Variants in DHX9 observed in about 807,000 individuals in gnomAD.
The protein encoded by DHX9 is DExH-box helicase 9, also known as ATP-dependent RNA helicase A.
A neutral mutation model predicts 148.7 loss-of-function variants in DHX9; 27 were observed. The ratio of observed to expected loss-of-function variants is 0.18; its 90% confidence interval spans 0.13 to 0.25. The LOEUF (loss-of-function observed/expected upper bound fraction) is 0.25, where lower values mean the gene tolerates loss of function less well. DHX9 is among the 10% of genes least tolerant of loss of function. The pLI is 1.00. For missense variants in DHX9, 796 were observed against 1,559.6 expected (o/e 0.51, Z 8.25); for synonymous variants, 529 against 516.6 (o/e 1.02, Z -0.33).
At chr1:182,850,456 A>G (rs1571299764) in intron 3 of DHX9, among the ~76,000 whole-genome samples, 1 of 152,096 alleles carries the variant, frequency 6.6e-6, no homozygotes, top group East Asian at 1.9e-4. Flanking sequence ...TTAGGTGGGA[A>G]TGGTGGTGGC....
At chr1:182,848,215 C>A (rs937054783) in intron 3 of DHX9, among the ~76,000 whole-genome samples, 1 of 152,194 alleles carries the variant, frequency 6.6e-6, no homozygotes, top group Non-Finnish European at 1.5e-5. Context: ...TATTTTTCTC[C>A]GTAACACTTA....
At chr1:182,846,909 T>A (rs1342583836) in intron 3 of DHX9, among the ~76,000 whole-genome samples, 2 of 152,048 alleles carry the variant, frequency 1.3e-5, no homozygotes, top group Non-Finnish European at 2.9e-5. Context: ...TTTTTTCCTA[T>A]CATTTTTTCC....
Position 182,887,441 on chromosome 1 carries a change from G to A in DHX9, c.*7G>A, listed in dbSNP as rs758613559. On this transcript the variant is annotated 3_prime_UTR_variant, in exon 28 of 28. Transcript: ENST00000367549. ...AGGAGGTGGCGGCTATTAAAACTTGGTTATGTCAGTTCCTGTGTGTAGACA... is the reference window on the plus strand; with the variant it reads ...AGGAGGTGGCGGCTATTAAAACTTGATTATGTCAGTTCCTGTGTGTAGACA... 204 of 1,610,060 alleles carry A rather than the reference G, an allele frequency of 1.3e-4. No individual in the cohort carries two copies. Among genetic ancestry groups the A allele is most frequent in the Non-Finnish European group, 1.6e-4 (194 of 1,177,756 alleles).
intron 15 of DHX9, among the ~76,000 whole-genome samples, chr1:182,872,850 G>A (rs558883759): frequency 1.2e-4 from 19 of 152,264 alleles, no homozygotes; most frequent in African/African-American, 4.6e-4. Flanking sequence ...AAGCAGCCAG[G>A]ATCAAATTAA....
At chr1:182,881,778 G>C in intron 24 of DHX9, 131 bp downstream of exon 24, 1 of 970,230 alleles carries the variant, frequency 1.0e-6, no homozygotes, top group Non-Finnish European at 1.5e-6. Context: ...CTATTTCTTA[G>C]TTCTCGTGAA....
At chr1:182,856,179 T>A (rs1439576425) in intron 6 of DHX9, among the ~76,000 whole-genome samples, 1 of 152,234 alleles carries the variant, frequency 6.6e-6, no homozygotes, top group Non-Finnish European at 1.5e-5. Flanking sequence ...GGGGCCTACT[T>A]TATTTCTTGG....
rs1005239280 is a variant in DHX9, at chr1:182,881,251, T to C, written c.2625-13T>C. ...TGATCTAGTCTGGATTTAACTGTCT[T>C]TGTGTATTTCAGCGTGGGAGATGCT... On this transcript the variant is annotated splice_polypyrimidine_tract_variant and intron_variant, in intron 22 of 27. Coordinates refer to ENST00000367549, the MANE Select transcript of DHX9 (RefSeq NM_001357.5). 15 of 1,610,018 alleles carry C rather than the reference T, an allele frequency of 9.3e-6. No homozygotes were observed. In the African/African-American group the frequency reaches 1.3e-4, roughly 14 times the overall value.
intron 19 of DHX9, 93 bp from the exon 20 acceptor site, chr1:182,877,928 C>A (rs1648889565): frequency 7.2e-7 from 1 of 1,398,070 alleles, no homozygotes; most frequent in Non-Finnish European, 9.8e-7. Flanking sequence ...ATGGCTTTAA[C>A]TACATAGTGG....
Position 182,887,205 on chromosome 1 carries a change from G to A in DHX9, c.3584G>A (p.Gly1195Asp). The change falls in exon 28 of 28, where the codon GGT (glycine) becomes GAT (aspartate). Residue 1195 changes from glycine (G) to aspartate (D), a missense_variant. Transcript: ENST00000367549. The stretch of plus-strand genomic sequence containing the variant: ...GGTGGCTATAGCAGTGGAGGCTATG[G>A]TAGCGGAGGCTATGGTGGCAGCGCC... ...YGGGYSSGGY[G>D]SGGYGGSANS... 6.2e-7 allele frequency: 1 copy of A among 1,607,856 alleles called. No homozygotes were observed. Among genetic ancestry groups the A allele is most frequent in the Non-Finnish European group, 8.5e-7 (1 of 1,174,390 alleles).
intron 19 of DHX9, chr1:182,877,742 T>A (rs1571319412): frequency 3.0e-6 from 1 of 333,354 alleles, no homozygotes; most frequent in East Asian, 5.8e-5. Flanking sequence ...ATTTATTTAA[T>A]GTTTACCAAA....
chr1:182,849,992 C>CCCT lies in DHX9; in HGVS notation c.253-2241_253-2240insCCT, dbSNP rs1491331436. On this transcript the variant is annotated intron_variant, in intron 3 of 27. Coordinates refer to ENST00000367549, the MANE Select transcript of DHX9 (RefSeq NM_001357.5). The stretch of plus-strand genomic sequence containing the variant: ...AAAGTGTACACACGTACCCCCCCCC[C>CCCT]TTTTTTTTTTAATTTCATCAGCGTT... Among the ~76,000 whole-genome samples, 360 of 107,024 alleles carry CCCT rather than the reference C, an allele frequency of 3.4e-3. 3 individuals carry two copies. Among genetic ancestry groups the CCCT allele is most frequent in the African/African-American group, 1.0e-2 (323 of 32,342 alleles). The allele number at this position is 107,024 out of a possible 152,430, so 70.2% of individuals were successfully genotyped here.
At chr1:182,872,537 G>T in intron 15 of DHX9, 44 bp downstream of exon 15, 1 of 1,560,286 alleles carries the variant, frequency 6.4e-7, no homozygotes, top group Non-Finnish European at 8.7e-7. Flanking sequence ...TGTGCAATAG[G>T]GTTTGTATTT....
intron 3 of DHX9, among the ~76,000 whole-genome samples, chr1:182,844,128 A>G (rs1465793277): frequency 2.0e-5 from 3 of 152,034 alleles, no homozygotes; most frequent in Admixed American, 6.6e-5. Flanking sequence ...TTATGTTTTT[A>G]GTAGAGATAG....
intron 1 of DHX9, among the ~76,000 whole-genome samples, chr1:182,840,330 T>C (rs556748909): frequency 7.3e-6 from 1 of 136,866 alleles, no homozygotes; most frequent in East Asian, 2.4e-4. Flanking sequence ...TGCAAGAGTC[T>C]CGCTCTGTCG....
At chr1:182,857,116 G>A (rs1186894220) in intron 7 of DHX9, among the ~76,000 whole-genome samples, 1 of 152,088 alleles carries the variant, frequency 6.6e-6, no homozygotes, top group Non-Finnish European at 1.5e-5. Context: ...CAAAGTGCTG[G>A]GATTACAGGC....
rs770294877 is a variant in DHX9 at position 182,883,374 on chromosome 1, A to G, written c.3144+6A>G. ...TCTTTGTATTTGGTGAAAAGGTAAG[A>G]AAAGACTAGAAAAGTTTACATTGAA... On this transcript the variant is annotated splice_donor_region_variant and intron_variant, in intron 25 of 27. Coordinates refer to ENST00000367549, the MANE Select transcript of DHX9 (RefSeq NM_001357.5). 6.2e-7 allele frequency: 1 copy of G among 1,607,910 alleles called. No individual in the cohort carries two copies. The highest frequency in any genetic ancestry group is 8.5e-7 in the Non-Finnish European group (1 of 1,175,088).
At chr1:182,847,921 A>G (rs1287957428) in intron 3 of DHX9, among the ~76,000 whole-genome samples, 1 of 152,158 alleles carries the variant, frequency 6.6e-6, no homozygotes, top group Non-Finnish European at 1.5e-5. Context: ...TCAGTCTTAC[A>G]GGAACTTACT....
intron 14 of DHX9, among the ~76,000 whole-genome samples, chr1:182,867,366 C>T (rs1648341003): frequency 6.6e-6 from 1 of 152,044 alleles, no homozygotes; most frequent in Non-Finnish European, 1.5e-5. Context: ...ATTCGTTTTT[C>T]TTTGATTTGG....
chr1:182,854,294 A>G, intron 6 of DHX9, 116 bp downstream of exon 6: 1 of 971,276 alleles, frequency 1.0e-6, no homozygotes, highest in East Asian at 2.6e-5. Flanking sequence ...TTAGAATTGA[A>G]TTGTTAAAAG....
Sources: allele counts gnomAD v4.1 joint callset (sites outside exome capture counted in the v4.1 genomes callset), GRCh38; gene constraint gnomAD v4.1.1; transcripts MANE v1.5; gene names NCBI Gene and HGNC (gene_info 2026-07-23, HGNC 2026-07-21).